The following PCDHA3 variants were observed in gnomAD, a reference collection of about 807,000 sequenced individuals.
PCDHA3 encodes protocadherin alpha-3.
A neutral mutation model predicts 62.2 loss-of-function variants in PCDHA3; 41 were observed. The observed-to-expected ratio is 0.66, with a 90% CI of 0.51 to 0.86. The LOEUF (loss-of-function observed/expected upper bound fraction) is 0.86. Among genes scored for constraint, PCDHA3 ranks in the 40% least tolerant of loss-of-function variants. PCDHA3 has a pLI of 0.00. For missense variants in PCDHA3, 1,304 were observed against 1,241.2 expected, an observed-to-expected ratio of 1.05 and a Z score of -0.76; for synonymous variants, 640 against 555.4, an observed-to-expected ratio of 1.15 and a Z score of -2.14.
At chr5:140,877,403 G>C (rs199806507) in intron 1 of PCDHA3, 1 of 1,613,770 alleles carries the variant, frequency 6.2e-7, no homozygotes, top group Non-Finnish European at 8.5e-7. Context: ...GACGCTCCGC[G>C]CCACCGCCTG....
In PCDHA3 at chr5:140,869,220, C is replaced by T. The variant is rs184355295; in HGVS notation, c.2394+65629C>T. 1,109 of 1,613,836 alleles carry T rather than the reference C, an allele frequency of 6.9e-4. 5 individuals are homozygous for T. The African/African-American group carries it at 0.013, about 19-fold the overall frequency. On this transcript the variant is annotated intron_variant, in intron 1 of 3. Coordinates refer to ENST00000522353, the MANE Select transcript of PCDHA3 (RefSeq NM_018906.3). ...TCCACTACTCCGTCTCGGAGGAGGC[C>T]AAACACGGCACCTTCGTGGGCCGCA...
At chr5:140,819,668 T>G (rs1385030573) in intron 1 of PCDHA3, among the ~76,000 whole-genome samples, 1 of 152,088 alleles carries the variant, frequency 6.6e-6, no homozygotes, top group Non-Finnish European at 1.5e-5. Flanking sequence ...AAATAAGAGT[T>G]GATCACTGTA....
At chr5:140,862,291 C>G (rs1029513176) in intron 1 of PCDHA3, 4 of 265,238 alleles carry the variant, frequency 1.5e-5, no homozygotes, top group African/African-American at 6.6e-5. Context: ...TACAGGAGGA[C>G]GCTCCACTGG....
At chr5:140,921,060 A>T (rs543644748) in intron 1 of PCDHA3, among the ~76,000 whole-genome samples, 11 of 152,040 alleles carry the variant, frequency 7.2e-5, no homozygotes, top group African/African-American at 2.7e-4. Flanking sequence ...GCTCACTCTA[A>T]CCTTGAACTC....
intron 1 of PCDHA3, among the ~76,000 whole-genome samples, chr5:140,879,549 A>T (rs1345193552): frequency 2.0e-5 from 3 of 152,246 alleles, no homozygotes; most frequent in Admixed American, 6.5e-5. Context: ...AGAGAAAAAA[A>T]TAATCCATGA....
intron 1 of PCDHA3, chr5:140,848,611 C>A (rs2150414621): frequency 6.3e-7 from 1 of 1,593,572 alleles, no homozygotes; most frequent in African/African-American, 1.3e-5. Flanking sequence ...CCGGAGGAAG[C>A]CGAACACGGC....
intron 1 of PCDHA3, among the ~76,000 whole-genome samples, chr5:140,872,454 C>T (rs1410815153): frequency 1.3e-5 from 2 of 152,062 alleles, no homozygotes; most frequent in Non-Finnish European, 2.9e-5. Context: ...TAGCGAGATC[C>T]TGTCTCTATA....
Position 140,978,929 on chromosome 5 carries a change from C to T in PCDHA3, c.2395-20C>T. 6.2e-7 allele frequency: 1 copy of T among 1,613,998 alleles called. No homozygotes were observed. Among genetic ancestry groups the T allele is most frequent in the Non-Finnish European group, 8.5e-7 (1 of 1,179,996 alleles). On this transcript the variant is annotated intron_variant, in intron 1 of 3. Coordinates refer to ENST00000522353, the MANE Select transcript of PCDHA3 (RefSeq NM_018906.3). ...ATTGTCTTGTCATTTTAACAGAAAACTCTCTTTGTGATTTTGCAGCCACGA... is the reference window on the plus strand; with the variant it reads ...ATTGTCTTGTCATTTTAACAGAAAATTCTCTTTGTGATTTTGCAGCCACGA...
At chr5:141,002,948 C>A (rs2098104348) in intron 3 of PCDHA3, among the ~76,000 whole-genome samples, 1 of 152,152 alleles carries the variant, frequency 6.6e-6, no homozygotes, top group African/African-American at 2.4e-5. Flanking sequence ...CAGCACATGC[C>A]CCTCTGAGAG....
intron 1 of PCDHA3, chr5:140,928,696 C>G: frequency 6.2e-7 from 1 of 1,614,146 alleles, no homozygotes. Flanking sequence ...CCACATCTCC[C>G]GGGCGTCTGA....
At chr5:140,849,862 C>G in intron 1 of PCDHA3, 1 of 1,598,598 alleles carries the variant, frequency 6.3e-7, no homozygotes, top group Non-Finnish European at 8.6e-7. Flanking sequence ...CCAGCGTTCG[C>G]GCAGTCCGAG....
chr5:140,802,983 G>T lies in PCDHA3; in HGVS notation c.1786G>T (p.Ala596Ser). Residue 596 changes from alanine (A) to serine (S), a missense_variant, in exon 1 of 4, where the codon GCA (alanine) becomes TCA (serine). Physicochemically the swap from Ala to Ser is moderately conservative, Grantham distance 99. Transcript: ENST00000522353. The part of the protein sequence containing the change: ...GAGHVVAKVR[A>S]VDADSGYNAW... ...GGGCCACGTGGTAGCGAAGGTGCGC[G>T]CAGTGGATGCAGACTCAGGCTACAA... is the stretch of plus-strand genomic sequence containing the variant. The T allele has an allele frequency of 2.5e-6, 4 of 1,614,026 alleles. No individual in the cohort carries two copies. The highest frequency in any genetic ancestry group is 1.1e-5 in the South Asian group (1 of 91,082).
intron 1 of PCDHA3, chr5:140,929,668 A>G (rs1554207270): frequency 3.1e-6 from 1 of 324,518 alleles, no homozygotes; most frequent in East Asian, 5.3e-5. Flanking sequence ...AAAGTGAAGA[A>G]TGAAAAATAT....
chr5:140,822,590 T>A (rs1767358678), intron 1 of PCDHA3: 1 of 1,612,192 alleles, frequency 6.2e-7, no homozygotes, highest in African/African-American at 1.3e-5. Flanking sequence ...GATGAGGGCA[T>A]CAATAAGGAA....
intron 1 of PCDHA3, among the ~76,000 whole-genome samples, chr5:140,918,233 T>C (rs1554198474): frequency 6.6e-6 from 1 of 152,210 alleles, no homozygotes; most frequent in South Asian, 2.1e-4. Context: ...TTTTTGTACA[T>C]TGATTTTGTA....
chr5:140,803,914 G>T (rs1280757638), intron 1 of PCDHA3: 4 of 500,200 alleles, frequency 8.0e-6, no homozygotes, highest in Admixed American at 3.8e-5. Flanking sequence ...ATCTGACTTC[G>T]ACTTGTTTTA....
At chr5:140,931,396 G>C (rs1554208395) in intron 1 of PCDHA3, among the ~76,000 whole-genome samples, 1 of 152,000 alleles carries the variant, frequency 6.6e-6, no homozygotes, top group Non-Finnish European at 1.5e-5. Flanking sequence ...ATAAGTAAGC[G>C]ATAGGAAGGC....
At chr5:140,864,401 G>T (rs570935613) in intron 1 of PCDHA3, 2 of 152,328 alleles carry the variant, frequency 1.3e-5, no homozygotes, top group South Asian at 4.1e-4. Context: ...ATGGTGATGA[G>T]CAGGGTTGAG....
rs1554122439 is a variant in PCDHA3, at chr5:140,802,916, C to T, written c.1719C>T (p.Ile573=). Reference sequence around the variant, plus strand: ...TGCTGATGCCTCGGGTGGGTGGCATCGGTGGCGCAGTGAGCGAGCTGGTGC... The same window carrying T: ...TGCTGATGCCTCGGGTGGGTGGCATTGGTGGCGCAGTGAGCGAGCTGGTGC... ...PALLMPRVGG[I]GGAVSELVPR... is the part of the protein sequence containing the mutation. Residue 573 remains isoleucine (I), a synonymous_variant, in exon 1 of 4, where the codon ATC becomes ATT. Coordinates refer to ENST00000522353, the MANE Select transcript of PCDHA3 (RefSeq NM_018906.3). 1.2e-6 allele frequency: 2 copies of T among 1,613,732 alleles called. No individual in the cohort carries two copies. The highest frequency in any genetic ancestry group is 1.7e-5 in the Admixed American group (1 of 60,004).
Sources: allele counts gnomAD v4.1 joint callset (sites outside exome capture counted in the v4.1 genomes callset), GRCh38; gene constraint gnomAD v4.1.1; transcripts MANE v1.5; gene names NCBI Gene and HGNC (gene_info 2026-07-23, HGNC 2026-07-21).